TMCO4: variants seen among roughly 807,000 people sequenced by gnomAD.
The protein encoded by TMCO4 is transmembrane and coiled-coil domains 4, also known as transmembrane and coiled-coil domain-containing protein 4.
TMCO4 carries 58 observed loss-of-function variants against 64.7 expected under a neutral mutation model. That is an observed-to-expected ratio of 0.90 (90% confidence interval 0.73 to 1.12). TMCO4 has a LOEUF of 1.12. TMCO4 is among the 50% of genes most tolerant of loss of function. The pLI, the probability that TMCO4 is intolerant of heterozygous loss-of-function variation, is 0.00. For synonymous variants in TMCO4, 325 were observed against 346.1 expected, an observed-to-expected ratio of 0.94 and a Z score of 0.68; for missense variants, 780 against 825.9, an observed-to-expected ratio of 0.94 and a Z score of 0.68.
intron 7 of TMCO4, among the ~76,000 whole-genome samples, chr1:19,752,315 C>A (rs747600959): frequency 2.6e-5 from 4 of 152,112 alleles, no homozygotes; most frequent in Non-Finnish European, 5.9e-5. Context: ...CAACCCACAC[C>A]GTCGTAGTCA....
intron 2 of TMCO4, among the ~76,000 whole-genome samples, chr1:19,795,598 C>A (rs948763387): frequency 5.3e-5 from 8 of 152,174 alleles, no homozygotes; most frequent in African/African-American, 1.9e-4. Context: ...ATCTCATTTT[C>A]TCTCAATAAT....
At position 19,746,485 on chromosome 1, in the gene TMCO4, A is replaced by G; in HGVS notation, c.728T>C (p.Leu243Pro). 6.2e-7 allele frequency: 1 copy of G among 1,613,306 alleles called. No homozygotes were observed. The highest frequency in any genetic ancestry group is 8.5e-7 in the Non-Finnish European group (1 of 1,179,720). The change falls in exon 9 of 16, where the codon CTG becomes CCG. Residue 243 changes from leucine (L) to proline (P), a missense_variant. Leu to Pro is a moderately conservative substitution (Grantham distance 98, BLOSUM62 -3). Transcript: ENST00000294543. ...CAGGCCAGCTCCAGCTGCACCAAAC[A>G]GCGAGGTCATGATGGCTATGCCGGC... is the stretch of plus-strand genomic sequence containing the variant. Reference protein sequence around the residue: ...SAAGIAIMTSLFGAAGAGLTG... With the variant: ...SAAGIAIMTSPFGAAGAGLTG...
At chr1:19,777,166 CG>C (rs2043246074) in intron 4 of TMCO4, among the ~76,000 whole-genome samples, 1 of 151,928 alleles carries the variant, frequency 6.6e-6, no homozygotes, top group Admixed American at 6.6e-5. Context: ...CTTGGCTTCT[CG>C]GGGTATTTTG....
At chr1:19,755,021 C>A (rs1173908792) in intron 7 of TMCO4, among the ~76,000 whole-genome samples, 1 of 152,158 alleles carries the variant, frequency 6.6e-6, no homozygotes, top group Non-Finnish European at 1.5e-5. Flanking sequence ...CAATTGTGCC[C>A]GTGAACCAGG....
intron 15 of TMCO4, among the ~76,000 whole-genome samples, chr1:19,685,189 G>C (rs2095136594): frequency 6.6e-6 from 1 of 152,182 alleles, no homozygotes; most frequent in African/African-American, 2.4e-5. Context: ...AGCTGGGCAT[G>C]GTGGCGTGTG....
At chr1:19,773,019 G>A (rs1355027338) in intron 4 of TMCO4, among the ~76,000 whole-genome samples, 1 of 152,022 alleles carries the variant, frequency 6.6e-6, no homozygotes, top group African/African-American at 2.4e-5. Flanking sequence ...GTGAAATCCC[G>A]CCTCTACTAA....
intron 14 of TMCO4, among the ~76,000 whole-genome samples, chr1:19,698,987 G>A (rs2095254140): frequency 1.3e-5 from 2 of 152,194 alleles, no homozygotes; most frequent in African/African-American, 4.8e-5. Flanking sequence ...ACGAGGTCAG[G>A]AGATTGAGAC....
At chr1:19,726,758 G>A (rs75417062) in intron 13 of TMCO4, among the ~76,000 whole-genome samples, 1,795 of 152,270 alleles carry the variant, frequency 0.012, 36 homozygotes, top group African/African-American at 0.041. Flanking sequence ...GAGCTGGCCA[G>A]AGGAGGAGGA....
At chr1:19,731,587 C>T (rs747189222) in intron 13 of TMCO4, among the ~76,000 whole-genome samples, 2 of 152,224 alleles carry the variant, frequency 1.3e-5, no homozygotes, top group African/African-American at 2.4e-5. Flanking sequence ...AGCCCTGTGG[C>T]CCATCATCTG....
At chr1:19,770,637 T>C in intron 5 of TMCO4, 68 bp from the exon 6 acceptor site, 2 of 1,506,724 alleles carry the variant, frequency 1.3e-6, no homozygotes, top group Non-Finnish European at 9.0e-7. Flanking sequence ...ATTTGACAAA[T>C]ATTGACTCCT....
At chr1:19,695,425 A>G (rs565903236) in intron 14 of TMCO4, among the ~76,000 whole-genome samples, 1 of 152,346 alleles carries the variant, frequency 6.6e-6, no homozygotes, top group Non-Finnish European at 1.5e-5. Flanking sequence ...AAGTCTGCGC[A>G]CAGGCAAGCT....
intron 10 of TMCO4, among the ~76,000 whole-genome samples, chr1:19,744,483 C>G (rs1004832511): frequency 3.9e-5 from 6 of 152,274 alleles, no homozygotes; most frequent in Non-Finnish European, 7.3e-5. Context: ...TTGCTGAGGT[C>G]ATGTAGCCAA....
At chr1:19,703,786 G>A (rs890491668) in intron 13 of TMCO4, among the ~76,000 whole-genome samples, 1 of 152,088 alleles carries the variant, frequency 6.6e-6, no homozygotes, top group Non-Finnish European at 1.5e-5. Flanking sequence ...GACCTCAGGT[G>A]ATCCATCTGC....
intron 3 of TMCO4, among the ~76,000 whole-genome samples, chr1:19,784,943 G>A (rs1048665956): frequency 2.6e-5 from 4 of 152,042 alleles, no homozygotes; most frequent in Non-Finnish European, 4.4e-5. Flanking sequence ...AGCTGTCCTG[G>A]GCTATATGTG....
At chr1:19,728,331 C>T (rs1162755154) in intron 13 of TMCO4, among the ~76,000 whole-genome samples, 3 of 152,186 alleles carry the variant, frequency 2.0e-5, no homozygotes, top group African/African-American at 4.8e-5. Context: ...GAACTACTGG[C>T]CCCATGGGGT....
chr1:19,698,447 C>G (rs2100598346), intron 14 of TMCO4, among the ~76,000 whole-genome samples: 1 of 152,312 alleles, frequency 6.6e-6, no homozygotes, highest in African/African-American at 2.4e-5. Flanking sequence ...GTGCTATCAC[C>G]TCAGCTAGCT....
At chr1:19,784,730 G>A (rs1394081379) in intron 3 of TMCO4, among the ~76,000 whole-genome samples, 2 of 151,474 alleles carry the variant, frequency 1.3e-5, no homozygotes, top group Non-Finnish European at 2.9e-5. Context: ...TTCCAATCTT[G>A]GTATGATGGC....
chr1:19,795,624 C>T lies in TMCO4; in HGVS notation c.-101+2513G>A, dbSNP rs547911922. On this transcript the variant is annotated intron_variant, in intron 2 of 15. Transcript: ENST00000294543. ...TCTCAATAATCCTACAAGGTGGGTGCTATTATCACCCTTCCACAGATGGGG... is the reference window on the plus strand; with the variant it reads ...TCTCAATAATCCTACAAGGTGGGTGTTATTATCACCCTTCCACAGATGGGG... Among the ~76,000 whole-genome samples, 8 of 152,272 alleles carry T rather than the reference C, an allele frequency of 5.3e-5. No homozygotes were observed. In the South Asian group the frequency reaches 1.7e-3, roughly 32 times the overall value.
intron 13 of TMCO4, among the ~76,000 whole-genome samples, chr1:19,709,680 G>A (rs1251994289): frequency 6.6e-6 from 1 of 151,948 alleles, no homozygotes; most frequent in African/African-American, 2.4e-5. Flanking sequence ...ACAGGGGCAG[G>A]GAATGAAACC....
Sources: gnomAD v4.1 joint callset for allele counts (sites outside exome capture counted in the v4.1 genomes callset) on GRCh38, gnomAD v4.1.1 for gene constraint, MANE v1.5 for transcripts, NCBI Gene and HGNC (gene_info 2026-07-23, HGNC 2026-07-21) for gene names.